PCDH15: variants seen among roughly 807,000 people sequenced by gnomAD.
PCDH15 encodes the protein protocadherin-15.
Under a neutral mutation model 178.5 loss-of-function variants are expected in PCDH15, and 129 were observed. That is an observed-to-expected ratio of 0.72 (90% CI 0.63 to 0.84). The LOEUF (loss-of-function observed/expected upper bound fraction) is 0.84. Ranked by LOEUF, PCDH15 falls within the 40% of genes least tolerant of loss-of-function variation. The pLI is 0.00. For missense variants in PCDH15, 2,230 were observed against 2,099.9 expected (o/e 1.06, Z -1.21); for synonymous variants, 800 against 732.0 (o/e 1.09, Z -1.50).
intron 2 of PCDH15, chr10:55,366,119 T>TAG (rs1281084114): frequency 6.6e-6 from 1 of 152,188 alleles, no homozygotes; most frequent in Non-Finnish European, 1.5e-5. Context: ...TCTTACTTCT[T>TAG]AGAGTACTGA....
chr10:55,464,085 A>AAAG lies in PCDH15; in HGVS notation c.-156+163539_-156+163540insCTT, dbSNP rs1565166329. On this transcript the variant is annotated intron_variant, in intron 2 of 5. Transcript: ENST00000613346. ...AGAAAAGGAAAGAAAGGGAAAGAAG[A>AAAG]AAAGAAAAGGAGTACTGACACATAA... Among the ~76,000 whole-genome samples, 78 of 61,556 alleles carry AAAG rather than the reference A, an allele frequency of 1.3e-3. 3 individuals carry two copies. Among genetic ancestry groups the AAAG allele is most frequent in the African/African-American group, 3.7e-3 (74 of 20,102 alleles). 40.4% of individuals were successfully genotyped at this position (61,556 alleles called of 152,430 possible).
At chr10:54,813,310 C>T (rs1952895760) in intron 3 of PCDH15, among the ~76,000 whole-genome samples, 1 of 152,218 alleles carries the variant, frequency 6.6e-6, no homozygotes, top group African/African-American at 2.4e-5. Flanking sequence ...GTTTTCACCT[C>T]CAGTGCAGAT....
chr10:54,690,432 A>G (rs2095100119), intron 1 of PCDH15, among the ~76,000 whole-genome samples: 1 of 150,038 alleles, frequency 6.7e-6, no homozygotes, highest in South Asian at 2.1e-4. Context: ...CTCCTGCCTC[A>G]GTCTCCCGAG....
intron 2 of PCDH15, among the ~76,000 whole-genome samples, chr10:54,928,811 G>T (rs1837693342): frequency 6.6e-6 from 1 of 152,066 alleles, no homozygotes; most frequent in Non-Finnish European, 1.5e-5. Context: ...TGGCTATTTT[G>T]TCTGTCAGCA....
At chr10:55,247,670 G>C (rs988594465) in intron 1 of PCDH15, 1 of 150,668 alleles carries the variant, frequency 6.6e-6, no homozygotes, top group African/African-American at 2.4e-5. Context: ...TGTAATCCCA[G>C]CATTTTGGGA....
chr10:54,236,872 A>G lies in PCDH15; in HGVS notation c.936T>C (p.Asn312=). The G allele has an allele frequency of 6.2e-7, 1 of 1,613,770 alleles. No homozygotes were observed. The highest frequency in any genetic ancestry group is 8.5e-7 in the Non-Finnish European group (1 of 1,179,718). The change falls in exon 9 of 38, where the codon AAT becomes AAC. Residue 312 remains asparagine (N), a synonymous_variant. Coordinates refer to ENST00000644397, the MANE Select transcript of PCDH15 (RefSeq NM_001384140.1). ...CTGGCCTATCTGATGGCGGTTGAATATTCCGGTCCTGATCAATGGCTTGGA... is the reference window on the plus strand; with the variant it reads ...CTGGCCTATCTGATGGCGGTTGAATGTTCCGGTCCTGATCAATGGCTTGGA... ...PPIQAIDQDR[N]IQPPSDRPGI... is the part of the protein sequence containing the mutation.
chr10:55,406,051 G>A (rs1838190300), intron 2 of PCDH15, among the ~76,000 whole-genome samples: 1 of 137,848 alleles, frequency 7.3e-6, no homozygotes, highest in Admixed American at 7.4e-5. Context: ...CTATCTAGTT[G>A]GCAGCATGTT....
chr10:54,799,975 T>C (rs750678967), intron 1 of PCDH15, among the ~76,000 whole-genome samples: 2 of 152,194 alleles, frequency 1.3e-5, no homozygotes, highest in Non-Finnish European at 2.9e-5. Context: ...GTTTCTCTAA[T>C]GTTAAGCAAC....
intron 15 of PCDH15, among the ~76,000 whole-genome samples, chr10:54,104,510 G>C (rs2136187127): frequency 6.6e-6 from 1 of 152,192 alleles, no homozygotes; most frequent in South Asian, 2.1e-4. Context: ...GCAGATTTGA[G>C]GCTCAGTATC....
chr10:54,257,043 G>A (rs554670139), intron 8 of PCDH15, among the ~76,000 whole-genome samples: 12 of 130,008 alleles, frequency 9.2e-5, no homozygotes, highest in East Asian at 6.8e-4. Flanking sequence ...TCTCTCTCTC[G>A]ATAGATTAGA....
chr10:54,310,892 G>A (rs1016438189), intron 8 of PCDH15, among the ~76,000 whole-genome samples: 7 of 151,896 alleles, frequency 4.6e-5, no homozygotes, highest in East Asian at 3.9e-4. Flanking sequence ...GAGAAAAAAC[G>A]GTACTTCCAT....
At chr10:54,379,498 ATTC>A (rs374958837) in intron 3 of PCDH15, among the ~76,000 whole-genome samples, 2 of 152,170 alleles carry the variant, frequency 1.3e-5, no homozygotes, top group African/African-American at 4.8e-5. Flanking sequence ...AATAGAAGCC[ATTC>A]TTCTTTAAGA....
intron 2 of PCDH15, among the ~76,000 whole-genome samples, chr10:55,159,884 C>T (rs1262007686): frequency 6.7e-6 from 1 of 150,290 alleles, no homozygotes; most frequent in South Asian, 2.1e-4. Context: ...ATAAAATTAT[C>T]AGGTTATATT....
At chr10:53,933,102 T>C (rs1038761136) in intron 25 of PCDH15, among the ~76,000 whole-genome samples, 1 of 152,134 alleles carries the variant, frequency 6.6e-6, no homozygotes, top group Non-Finnish European at 1.5e-5. Flanking sequence ...CCTGAAGAGA[T>C]TACAGAACCA....
intron 2 of PCDH15, among the ~76,000 whole-genome samples, chr10:55,595,790 T>C (rs1238075363): frequency 1.3e-5 from 2 of 152,180 alleles, no homozygotes; most frequent in African/African-American, 4.8e-5. Flanking sequence ...TCAGCCTTAT[T>C]TGATAATTTT....
chr10:54,691,855 T>G (rs1416619187), intron 1 of PCDH15, among the ~76,000 whole-genome samples: 1 of 152,136 alleles, frequency 6.6e-6, no homozygotes, highest in Non-Finnish European at 1.5e-5. Context: ...TTACTGACTT[T>G]ACAATCTTTT....
intron 3 of PCDH15, among the ~76,000 whole-genome samples, chr10:54,401,575 T>C (rs1304143920): frequency 2.0e-5 from 3 of 151,688 alleles, no homozygotes; most frequent in Non-Finnish European, 4.4e-5. Context: ...TCAATGACTC[T>C]GAACAAGGAA....
chr10:54,644,754 A>G (rs1322372418), intron 2 of PCDH15, among the ~76,000 whole-genome samples: 1 of 152,144 alleles, frequency 6.6e-6, no homozygotes, highest in Non-Finnish European at 1.5e-5. Flanking sequence ...TCCAAAATTT[A>G]TGTTGAAACT....
chr10:54,332,275 T>G, intron 6 of PCDH15, among the ~76,000 whole-genome samples: 2 of 55,798 alleles, frequency 3.6e-5, no homozygotes, highest in Non-Finnish European at 9.2e-5. Flanking sequence ...TTATTATATA[T>G]AATATAATAT....
Sources: gnomAD v4.1 joint callset for allele counts (sites outside exome capture counted in the v4.1 genomes callset) on GRCh38, gnomAD v4.1.1 for gene constraint, MANE v1.5 for transcripts, NCBI Gene and HGNC (gene_info 2026-07-23, HGNC 2026-07-21) for gene names.